Variants in CHODL observed in about 807,000 individuals in gnomAD.
The protein encoded by CHODL is transmembrane protein MT75.
CHODL carries 29 observed loss-of-function variants against 34.5 expected under a neutral mutation model. That is an observed-to-expected ratio of 0.84 (90% confidence interval 0.63 to 1.15). The LOEUF is 1.15. CHODL is among the 50% of genes most tolerant of loss of function. The probability of loss-of-function intolerance (pLI) is 0.00; values close to 1 mark genes in which losing one functional copy is unlikely to be tolerated. For missense variants in CHODL, 332 were observed against 332.5 expected (o/e 1.00, Z 0.01); for synonymous variants, 125 against 116.1 (o/e 1.08, Z -0.49).
At chr21:18,186,764 C>A (rs2073446110) in intron 2 of CHODL, among the ~76,000 whole-genome samples, 1 of 152,186 alleles carries the variant, frequency 6.6e-6, no homozygotes, top group African/African-American at 2.4e-5. Flanking sequence ...AGGTTAGAAT[C>A]TTAATCTCCC....
intron 2 of CHODL, among the ~76,000 whole-genome samples, chr21:18,199,241 T>C (rs1393264024): frequency 6.6e-6 from 1 of 152,080 alleles, no homozygotes; most frequent in Non-Finnish European, 1.5e-5. Context: ...TAATCCACAG[T>C]AACTTTTAAG....
chr21:18,202,690 A>G (rs1234763512), intron 2 of CHODL, among the ~76,000 whole-genome samples: 1 of 152,220 alleles, frequency 6.6e-6, no homozygotes, highest in African/African-American at 2.4e-5. Context: ...AACAGCATGT[A>G]ACCACAAAAT....
At chr21:18,253,544 A>G (rs952695048) in intron 1 of CHODL, among the ~76,000 whole-genome samples, 4 of 152,182 alleles carry the variant, frequency 2.6e-5, no homozygotes, top group Non-Finnish European at 5.9e-5. Context: ...TACAGTCATG[A>G]AAATACAAGC....
chr21:18,249,985 C>T lies in CHODL; in HGVS notation c.79+4683C>T, dbSNP rs76042113. Among the ~76,000 whole-genome samples, 1,323 of 152,214 alleles carry T rather than the reference C, an allele frequency of 8.7e-3. 18 individuals carry two copies. The highest frequency in any genetic ancestry group is 0.03 in the African/African-American group (1,254 of 41,538). On this transcript the variant is annotated intron_variant, in intron 1 of 5. Transcript: ENST00000299295. ...CTAGTTGAACAGTCTATAAGAGGGA[C>T]CTTTCTGCCATCTCTCACCAGGAGA... is the stretch of plus-strand genomic sequence containing the variant.
At chr21:18,188,667 A>ATC (rs2073473998) in intron 2 of CHODL, among the ~76,000 whole-genome samples, 1 of 152,228 alleles carries the variant, frequency 6.6e-6, no homozygotes, top group African/African-American at 2.4e-5. Flanking sequence ...AAAGAACACA[A>ATC]TCTGAATGAT....
At chr21:18,078,707 C>G (rs1032526941) in intron 2 of CHODL, among the ~76,000 whole-genome samples, 1 of 152,134 alleles carries the variant, frequency 6.6e-6, no homozygotes, top group Non-Finnish European at 1.5e-5. Context: ...GATTTCCACT[C>G]TTCTTTACTA....
rs543806791 is a variant in CHODL, at chr21:17,997,897, CT to C, written c.-144-29974del. On this transcript the variant is annotated intron_variant, in intron 1 of 6. Coordinates refer to the CHODL transcript ENST00000400127. ...ACAGCCAAGCCGTATAATTCCACCC[CT>C]GGCCCCTCCAAATCTCATGTCCTCA... is the stretch of plus-strand genomic sequence containing the variant. Among the ~76,000 whole-genome samples, 844 of 152,292 alleles carry C rather than the reference CT, an allele frequency of 5.5e-3. 8 individuals carry two copies. The highest frequency in any genetic ancestry group is 0.013 in the African/African-American group (555 of 41,560).
chr21:18,018,598 C>G (rs1378033687), intron 1 of CHODL, among the ~76,000 whole-genome samples: 1 of 152,202 alleles, frequency 6.6e-6, no homozygotes, highest in African/African-American at 2.4e-5. Flanking sequence ...TGAGCAAATG[C>G]TGGAACTGAG....
intron 2 of CHODL, among the ~76,000 whole-genome samples, chr21:18,170,436 C>G (rs1418236865): frequency 6.6e-6 from 1 of 152,068 alleles, no homozygotes; most frequent in Non-Finnish European, 1.5e-5. Flanking sequence ...GAATCTACAT[C>G]TGCCACTTTA....
chr21:18,045,481 TA>T (rs1397318808), intron 2 of CHODL, among the ~76,000 whole-genome samples: 1 of 151,858 alleles, frequency 6.6e-6, no homozygotes, highest in Non-Finnish European at 1.5e-5. Flanking sequence ...TCAGTTGCCA[TA>T]AGCCAAGGAA....
chr21:17,941,732 T>C (rs532874662), intron 1 of CHODL, among the ~76,000 whole-genome samples: 5 of 152,352 alleles, frequency 3.3e-5, no homozygotes, highest in African/African-American at 1.2e-4. Context: ...CTCAGGCTAC[T>C]ATAACAAAAT....
intron 1 of CHODL, among the ~76,000 whole-genome samples, chr21:17,927,104 GTATGTATATATGTATATATGTATATA>G (rs772725939): frequency 6.6e-4 from 91 of 137,552 alleles, no homozygotes; most frequent in Middle Eastern, 3.7e-3. Flanking sequence ...ATATCTGTGT[GTATGTATATATGTATATATGTATATA>G]TATGTATATA....
Position 18,257,343 on chromosome 21 carries a change from C to T in CHODL, c.547+216C>T, listed in dbSNP as rs114151991. On this transcript the variant is annotated intron_variant, in intron 3 of 5. Coordinates refer to ENST00000299295, the MANE Select transcript of CHODL (RefSeq NM_024944.3). ...CAAAGAAGAGAGTAAATAAAAACAG[C>T]TGGAGAGATGTCTTTAAGAAAAAAT... is the stretch of plus-strand genomic sequence containing the variant. Among the ~76,000 whole-genome samples the T allele has an allele frequency of 4.4e-3, 674 of 152,102 alleles. 7 individuals carry two copies. The highest frequency in any genetic ancestry group is 0.015 in the African/African-American group (631 of 41,496).
chr21:18,032,178 A>G (rs2064255472), intron 2 of CHODL, among the ~76,000 whole-genome samples: 1 of 152,076 alleles, frequency 6.6e-6, no homozygotes, highest in Admixed American at 6.6e-5. Flanking sequence ...ATAACAATGA[A>G]TTGAATACTT....
Position 18,165,501 on chromosome 21 carries a change from A to G in CHODL, c.-44-91008A>G, listed in dbSNP as rs368216853. 6.8e-4 allele frequency among the ~76,000 whole-genome samples: 104 copies of G among 152,304 alleles called. 1 individual carries two copies. The South Asian group carries it at 0.02, about 29-fold the overall frequency. ...TATTTATTTGGCTCACAAATCTGCA[A>G]TTTGAGCAGCAGTTGGTAAGGACAG... On this transcript the variant is annotated intron_variant, in intron 2 of 6. Coordinates refer to the CHODL transcript ENST00000400127.
At position 18,266,290 on chromosome 21, in the gene CHODL, G is replaced by A. The variant is rs369783779; in HGVS notation, c.*252G>A. ...CCCAAACTTCAAACTTCAAGCAAAT[G>A]AAATGGACAATGCAGATAAAGTTGT... On this transcript the variant is annotated 3_prime_UTR_variant, in exon 6 of 6. Transcript: ENST00000299295. The A allele has an allele frequency of 5.9e-5, 69 of 1,170,610 alleles. No individual in the cohort carries two copies. The African/African-American group carries it at 9.3e-4, about 16-fold the overall frequency. The allele number at this position is 1,170,610 out of a possible 1,614,324, so 72.5% of individuals were successfully genotyped here.
intron 2 of CHODL, among the ~76,000 whole-genome samples, chr21:18,053,274 C>T (rs999369661): frequency 4.0e-5 from 6 of 151,884 alleles, no homozygotes; most frequent in African/African-American, 9.7e-5. Flanking sequence ...TATTTTTTCT[C>T]TTGCCAAAGA....
At chr21:18,251,732 T>TTTA (rs1568958113) in intron 1 of CHODL, among the ~76,000 whole-genome samples, 43 of 103,500 alleles carry the variant, frequency 4.2e-4, no homozygotes, top group African/African-American at 6.3e-4. Context: ...TAAATATTTA[T>TTTA]TTTATTTATT....
chr21:18,059,162 G>A (rs932729055), intron 2 of CHODL, among the ~76,000 whole-genome samples: 40 of 152,112 alleles, frequency 2.6e-4, no homozygotes, highest in African/African-American at 8.0e-4. Flanking sequence ...AAGTGACACC[G>A]GAAAGCTGTC....
Sources: gnomAD v4.1 joint callset for allele counts (sites outside exome capture counted in the v4.1 genomes callset) on GRCh38, gnomAD v4.1.1 for gene constraint, MANE v1.5 for transcripts, NCBI Gene and HGNC (gene_info 2026-07-23, HGNC 2026-07-21) for gene names.